SIK3: variants seen among roughly 807,000 people sequenced by gnomAD.
SIK3 encodes the protein SIK family kinase 3, also known as serine/threonine-protein kinase SIK3.
In SIK3, 28 loss-of-function variants were observed where a neutral mutation model predicts 144.2. The observed-to-expected ratio is 0.19, with a 90% CI of 0.14 to 0.27. The LOEUF is 0.27. Ranked by LOEUF, SIK3 falls within the 10% of genes least tolerant of loss-of-function variation. The probability of loss-of-function intolerance (pLI) is 1.00; values close to 1 mark genes in which losing one functional copy is unlikely to be tolerated. For synonymous variants in SIK3, 686 were observed against 676.3 expected (o/e 1.01, Z -0.22); for missense variants, 1,319 against 1,776.0 (o/e 0.74, Z 4.62).
At chr11:116,861,220 A>G in intron 19 of SIK3, 54 bp downstream of exon 19, 1 of 1,342,054 alleles carries the variant, frequency 7.5e-7, no homozygotes, top group Non-Finnish European at 1.1e-6. Flanking sequence ...TGAGACCATC[A>G]TTTTTTCCCA....
chr11:116,929,839 T>TA (rs1010893465), intron 3 of SIK3, among the ~76,000 whole-genome samples: 21 of 152,236 alleles, frequency 1.4e-4, no homozygotes, highest in African/African-American at 4.6e-4. Flanking sequence ...CTTAAACATC[T>TA]AGTCAATAGA....
At chr11:116,995,111 A>G (rs1950616821) in intron 1 of SIK3, among the ~76,000 whole-genome samples, 1 of 151,922 alleles carries the variant, frequency 6.6e-6, no homozygotes, top group Non-Finnish European at 1.5e-5. Flanking sequence ...CTACAAAAAT[A>G]CAAAAATTAG....
Position 117,031,366 on chromosome 11 carries a change from C to CTT in SIK3, c.273+66775_273+66776dup, listed in dbSNP as rs778165535. The stretch of plus-strand genomic sequence containing the variant: ...TTTAGGTCAGATTTTTCCTTTTTTC[C>CTT]TTTTTTTTTTTTTGTCTTATAGCTG... On this transcript the variant is annotated intron_variant, in intron 1 of 24. Coordinates refer to ENST00000445177, the MANE Select transcript of SIK3 (RefSeq NM_001366686.3). 2.3e-3 allele frequency among the ~76,000 whole-genome samples: 319 copies of CTT among 139,608 alleles called. 3 individuals carry two copies. The highest frequency in any genetic ancestry group is 7.7e-3 in the African/African-American group (297 of 38,412). The allele number at this position is 139,608 out of a possible 152,430, so 91.6% of individuals were successfully genotyped here. A position where few individuals can be genotyped will look rare whatever the true frequency, so the allele number is the denominator to read the frequency against.
chr11:116,874,126 T>C, intron 11 of SIK3, 70 bp from the exon 12 acceptor site: 1 of 1,440,458 alleles, frequency 6.9e-7, no homozygotes, highest in Non-Finnish European at 9.7e-7. Context: ...ATCCCAAAAC[T>C]GATGGCATTG....
chr11:117,050,273 G>C (rs779885820), intron 1 of SIK3, among the ~76,000 whole-genome samples: 8 of 151,654 alleles, frequency 5.3e-5, no homozygotes, highest in Admixed American at 1.3e-4. Context: ...TGGGCGACAA[G>C]ATCAAGACTC....
chr11:116,897,026 C>CAAA (rs5795057), intron 5 of SIK3, among the ~76,000 whole-genome samples, 167 bp downstream of exon 5: 1 of 102,724 alleles, frequency 9.7e-6, no homozygotes, highest in African/African-American at 3.6e-5. Context: ...GACTCTGTTT[C>CAAA]AAAAAAAAAA....
intron 3 of SIK3, among the ~76,000 whole-genome samples, chr11:116,948,960 G>C (rs903355647): frequency 6.6e-6 from 1 of 151,982 alleles, no homozygotes; most frequent in Non-Finnish European, 1.5e-5. Flanking sequence ...GGAAACATTC[G>C]GGAAATTCAC....
chr11:117,046,587 C>A (rs142158058), intron 1 of SIK3, among the ~76,000 whole-genome samples: 1 of 152,114 alleles, frequency 6.6e-6, no homozygotes, highest in Non-Finnish European at 1.5e-5. Context: ...GCTATTAAAC[C>A]TACTATATTG....
chr11:116,950,286 G>A lies in SIK3; in HGVS notation c.454+3758C>T, dbSNP rs769150829. On this transcript the variant is annotated intron_variant, in intron 3 of 24. Coordinates refer to ENST00000445177, the MANE Select transcript of SIK3 (RefSeq NM_001366686.3). Reference sequence around the variant, plus strand: ...GAAGAAAGCTGCTATTCAGATGCTGGAGAGAATTGAGGAGAAGTGACAAAT... The same window carrying A: ...GAAGAAAGCTGCTATTCAGATGCTGAAGAGAATTGAGGAGAAGTGACAAAT... The A allele has an allele frequency of 5.6e-5, 21 of 376,818 alleles. No homozygotes were observed. In the Middle Eastern group the frequency reaches 3.4e-3, roughly 62 times the overall value. The allele number at this position is 376,818 out of a possible 1,614,324, so 23.3% of individuals were successfully genotyped here. A position where few individuals can be genotyped will look rare whatever the true frequency, so the allele number is the denominator to read the frequency against.
intron 1 of SIK3, among the ~76,000 whole-genome samples, chr11:117,048,538 C>A (rs781204675): frequency 1.1e-4 from 17 of 151,982 alleles, no homozygotes; most frequent in Non-Finnish European, 2.4e-4. Flanking sequence ...TGCCTGTAAT[C>A]CCAGCTACTC....
At chr11:116,947,883 G>A (rs1333127003) in intron 3 of SIK3, among the ~76,000 whole-genome samples, 1 of 150,648 alleles carries the variant, frequency 6.6e-6, no homozygotes, top group Non-Finnish European at 1.5e-5. Flanking sequence ...TCTTAAGTCA[G>A]TTGTTTCAAC....
intron 1 of SIK3, among the ~76,000 whole-genome samples, chr11:117,095,379 A>G (rs2134104315): frequency 6.6e-6 from 1 of 152,264 alleles, no homozygotes; most frequent in South Asian, 2.1e-4. Flanking sequence ...ACACACCTCT[A>G]AAAGACAAAA....
intron 1 of SIK3, among the ~76,000 whole-genome samples, chr11:117,068,771 T>C (rs1290688046): frequency 6.6e-6 from 1 of 152,242 alleles, no homozygotes; most frequent in Non-Finnish European, 1.5e-5. Context: ...AAGCCTTTGG[T>C]TATTCCTAAC....
At chr11:116,863,982 C>T in intron 15 of SIK3, 164 bp from the exon 16 acceptor site, 1 of 645,494 alleles carries the variant, frequency 1.5e-6, no homozygotes, top group Non-Finnish European at 2.6e-6. Context: ...GTTTCCCTAG[C>T]CTGCTTCCCT....
intron 1 of SIK3, among the ~76,000 whole-genome samples, chr11:116,987,938 C>G (rs548735998): frequency 6.6e-6 from 1 of 152,314 alleles, no homozygotes; most frequent in African/African-American, 2.4e-5. Flanking sequence ...ACAACTAGCA[C>G]TAACTTCATG....
intron 1 of SIK3, among the ~76,000 whole-genome samples, chr11:117,031,617 G>C (rs1011626325): frequency 6.7e-6 from 1 of 150,012 alleles, no homozygotes; most frequent in Non-Finnish European, 1.5e-5. Context: ...CACTGCACAG[G>C]TTCAAGGGAT....
chr11:117,068,530 C>T (rs1017881174), intron 1 of SIK3, among the ~76,000 whole-genome samples: 4 of 152,216 alleles, frequency 2.6e-5, no homozygotes, highest in African/African-American at 9.6e-5. Flanking sequence ...AGGAGGGTCA[C>T]TTGAGCCCAG....
At chr11:116,850,561 C>A (rs1395910325) in intron 21 of SIK3, among the ~76,000 whole-genome samples, 1 of 152,216 alleles carries the variant, frequency 6.6e-6, no homozygotes, top group Non-Finnish European at 1.5e-5. Flanking sequence ...TCTCTGATTG[C>A]TCTAACATTA....
intron 6 of SIK3, 88 bp from the exon 7 acceptor site, chr11:116,877,130 G>A: frequency 9.5e-7 from 1 of 1,049,522 alleles, no homozygotes; most frequent in Admixed American, 1.7e-5. Context: ...CAGCAGGGAG[G>A]CTATCCAACT....
Sources: allele counts gnomAD v4.1 joint callset (sites outside exome capture counted in the v4.1 genomes callset), GRCh38; gene constraint gnomAD v4.1.1; transcripts MANE v1.5; gene names NCBI Gene and HGNC (gene_info 2026-07-23, HGNC 2026-07-21).